Variants in CFI observed in about 807,000 individuals in gnomAD.
CFI encodes C3B/C4B inactivator.
CFI carries 66 observed loss-of-function variants against 78.8 expected under a neutral mutation model. The ratio of observed to expected loss-of-function variants is 0.84; its 90% CI spans 0.69 to 1.03. The LOEUF is 1.03. Ranked by LOEUF, CFI falls within the 50% of genes least tolerant of loss-of-function variation. The pLI is 0.00. For synonymous variants in CFI, 250 were observed against 232.6 expected (o/e 1.07, Z -0.68); for missense variants, 706 against 704.5 (o/e 1.00, Z -0.02).
At chr4:109,783,666 G>A (rs1205967839) in intron 1 of CFI, among the ~76,000 whole-genome samples, 1 of 151,538 alleles carries the variant, frequency 6.6e-6, no homozygotes, top group Non-Finnish European at 1.5e-5. Context: ...CAGCAATCCC[G>A]CTACTGGGTA....
intron 7 of CFI, among the ~76,000 whole-genome samples, chr4:109,756,935 AAGAAAGAAAGAAAGAAAGAAAG>A (rs1279542142): frequency 3.3e-5 from 5 of 149,584 alleles, no homozygotes; most frequent in Non-Finnish European, 6.0e-5. Context: ...GAAAGAAAGA[AAGAAAGAAAGAAAGAAAGAAAG>A]AAAGAAAGAA....
At chr4:109,752,536 G>T (rs535709272) in intron 7 of CFI, 33 bp from the exon 8 acceptor site, 44 of 1,570,988 alleles carry the variant, frequency 2.8e-5, no homozygotes, top group Non-Finnish European at 3.2e-5. Context: ...AATGTTTAAA[G>T]TTGTTAATTA....
At chr4:109,775,850 C>T (rs1729160137) in intron 1 of CFI, among the ~76,000 whole-genome samples, 1 of 152,174 alleles carries the variant, frequency 6.6e-6, no homozygotes, top group Non-Finnish European at 1.5e-5. Flanking sequence ...TCTGTAGCCT[C>T]CACTGGTGAT....
intron 7 of CFI, among the ~76,000 whole-genome samples, chr4:109,753,975 A>G: frequency 6.9e-6 from 1 of 145,342 alleles, no homozygotes; most frequent in East Asian, 2.0e-4. Flanking sequence ...TCAAATATGT[A>G]TTTTAAAATA....
At chr4:109,796,957 CCTTCA>C (rs1274024024) in intron 1 of CFI, among the ~76,000 whole-genome samples, 1 of 152,152 alleles carries the variant, frequency 6.6e-6, no homozygotes, top group African/African-American at 2.4e-5. Context: ...AACTCACATT[CCTTCA>C]CTGAAAGAAT....
rs555922978 is a variant in CFI, at chr4:109,780,314, A to G, written c.58-13490T>C. On this transcript the variant is annotated intron_variant, in intron 1 of 12. Transcript: ENST00000394634. ...CAAATTTACAAGAAAAAATAAAAAA[A>G]CCCCATCAAAAAGTGGTCGAAGGAT... is the stretch of plus-strand genomic sequence containing the variant. Among the ~76,000 whole-genome samples, 30 of 152,298 alleles carry G rather than the reference A, an allele frequency of 2.0e-4. No homozygotes were observed. In the South Asian group the frequency reaches 6.0e-3, roughly 31 times the overall value.
At position 109,766,714 on chromosome 4, in the gene CFI, CT is replaced by C; in HGVS notation, c.167del (p.Glu56GlyfsTer46). 1.2e-6 allele frequency: 2 copies of C among 1,614,140 alleles called. No individual in the cohort carries two copies. Among genetic ancestry groups the C allele is most frequent in the South Asian group, 2.2e-5 (2 of 91,078 alleles). ...VFCQPWQRCI[E>X]GTCVCKLPYQ... is the part of the protein sequence containing the mutation. ...ACGGTAGTTTACAAACACAGGTGCCCTCAATGCATCTCTGCCATGGCTGGCA... is the reference window on the plus strand; with the variant it reads ...ACGGTAGTTTACAAACACAGGTGCCCCAATGCATCTCTGCCATGGCTGGCA... On this transcript the variant is annotated frameshift_variant, in exon 2 of 13. Coordinates refer to ENST00000394634, the MANE Select transcript of CFI (RefSeq NM_000204.5). LOFTEE classifies it high-confidence loss of function.
intron 7 of CFI, among the ~76,000 whole-genome samples, chr4:109,756,959 A>G (rs185628513): frequency 7.1e-6 from 1 of 140,146 alleles, no homozygotes; most frequent in Admixed American, 7.0e-5. Context: ...GAAAGAAAGA[A>G]AGAAAGAAAG....
At position 109,788,000 on chromosome 4, in the gene CFI, C is replaced by T. The variant is rs143617257; in HGVS notation, c.57+13915G>A. 4.6e-5 allele frequency among the ~76,000 whole-genome samples: 7 copies of T among 152,102 alleles called. No homozygotes were observed. In the East Asian group the frequency reaches 1.2e-3, roughly 25 times the overall value. On this transcript the variant is annotated intron_variant, in intron 1 of 12. Transcript: ENST00000394634. Reference sequence around the variant, plus strand: ...ACTCAGGCCCCACTTCAGAGGCAACCACTTAACAGCTCTTTGTGAGTCTTT... The same window carrying T: ...ACTCAGGCCCCACTTCAGAGGCAACTACTTAACAGCTCTTTGTGAGTCTTT...
chr4:109,769,862 A>G (rs71603045), intron 1 of CFI, among the ~76,000 whole-genome samples: 7,050 of 152,104 alleles, frequency 0.046, 267 homozygotes, highest in Admixed American at 0.1. Context: ...CACCTCTTTT[A>G]TCTCTGCCAC....
intron 3 of CFI, chr4:109,762,478 G>T (rs1228616864): frequency 2.0e-5 from 3 of 152,244 alleles, no homozygotes; most frequent in East Asian, 3.9e-4. Context: ...TAGAGATGAT[G>T]ATTTACAGTG....
chr4:109,769,640 C>T (rs1015740510), intron 1 of CFI, among the ~76,000 whole-genome samples: 5 of 152,204 alleles, frequency 3.3e-5, no homozygotes, highest in Non-Finnish European at 5.9e-5. Context: ...TCAATTCACT[C>T]AATGCTGGCA....
intron 1 of CFI, among the ~76,000 whole-genome samples, chr4:109,774,305 C>T (rs964845879): frequency 1.3e-5 from 2 of 152,046 alleles, no homozygotes; most frequent in Admixed American, 6.6e-5. Flanking sequence ...AAGAAAGATA[C>T]AGAATATGGA....
In CFI at chr4:109,749,248, C is replaced by T; in HGVS notation, c.1118G>A (p.Cys373Tyr). ...ACAATGTGCAGCAGTCAGAATCCAACAGCCACCAATATAAATTCCCCCACA... is the reference window on the plus strand; with the variant it reads ...ACAATGTGCAGCAGTCAGAATCCAATAGCCACCAATATAAATTCCCCCACA... ...ITCGGIYIGG[C>Y]WILTAAHCLR... The change falls in exon 10 of 13, where the codon TGT (cysteine) becomes TAT (tyrosine). Residue 373 changes from cysteine to tyrosine, a missense_variant. Physicochemically the swap from Cys to Tyr is radical, Grantham distance 194 (BLOSUM62 -2). Transcript: ENST00000394634. 1 of 1,614,172 alleles carries T rather than the reference C, an allele frequency of 6.2e-7. No individual in the cohort carries two copies. Among genetic ancestry groups the T allele is most frequent in the Non-Finnish European group, 8.5e-7 (1 of 1,179,996 alleles).
At chr4:109,738,691 G>A (rs141913616), downstream of CFI, among the ~76,000 whole-genome samples, 20 of 152,240 alleles carry the variant, frequency 1.3e-4, no homozygotes, top group Middle Eastern at 6.8e-3. Flanking sequence ...TGGTGCCCCC[G>A]GCCCTGCCAT....
At chr4:109,739,821 G>T (rs1023210472), downstream of CFI, among the ~76,000 whole-genome samples, 6 of 152,260 alleles carry the variant, frequency 3.9e-5, no homozygotes, top group South Asian at 1.2e-3. Context: ...CAGTGAGGGA[G>T]GAGTGTGATG....
Position 109,766,557 on chromosome 4 carries a change from C to T in CFI, c.325G>A (p.Glu109Lys), listed in dbSNP as rs748098641. ...TTGAAAACTAGTCTCTTGCTACCTT[C>T]GGCTGTGCATGTTCCGTTATTTAAA... Reference protein sequence around the residue: ...KFLNNGTCTAEGKFSVSLKHG... With the variant: ...KFLNNGTCTAKGKFSVSLKHG... The change falls in exon 2 of 13, where the codon GAA becomes AAA. Residue 109 changes from glutamate (E) to lysine (K), a missense_variant. By Grantham distance (56) the Glu-to-Lys change is moderately conservative (BLOSUM62 1). Transcript: ENST00000394634. The T allele has an allele frequency of 3.3e-5, 54 of 1,614,146 alleles. No individual in the cohort carries two copies. The highest frequency in any genetic ancestry group is 2.3e-4 in the Admixed American group (14 of 60,024).
At chr4:109,785,056 G>C (rs1479268523) in intron 1 of CFI, among the ~76,000 whole-genome samples, 1 of 151,846 alleles carries the variant, frequency 6.6e-6, no homozygotes, top group East Asian at 1.9e-4. Flanking sequence ...CCCCACCCTT[G>C]AGAATGTACT....
intron 2 of CFI, among the ~76,000 whole-genome samples, chr4:109,766,018 T>G (rs1278193384): frequency 6.6e-6 from 1 of 152,016 alleles, no homozygotes; most frequent in Non-Finnish European, 1.5e-5. Context: ...CTCAGGAGGC[T>G]GAGGCAGGAG....
Sources: gnomAD v4.1 joint callset for allele counts (sites outside exome capture counted in the v4.1 genomes callset) on GRCh38, gnomAD v4.1.1 for gene constraint, MANE v1.5 for transcripts, NCBI Gene and HGNC (gene_info 2026-07-23, HGNC 2026-07-21) for gene names.